The following PDE4D variants were observed in gnomAD, a reference collection of about 807,000 sequenced individuals.
The protein encoded by PDE4D is 3',5'-cyclic-AMP phosphodiesterase 4D.
PDE4D carries 24 observed loss-of-function variants against 87.4 expected under a neutral mutation model. That is an observed-to-expected ratio of 0.27 (90% confidence interval 0.20 to 0.39). The LOEUF is 0.39. Ranked by LOEUF, PDE4D falls within the 10% of genes least tolerant of loss-of-function variation. The pLI, the probability that PDE4D is intolerant of heterozygous loss-of-function variation, is 1.00. For missense variants in PDE4D, 714 were observed against 1,041.0 expected, an observed-to-expected ratio of 0.69 and a Z score of 4.32; for synonymous variants, 384 against 383.2, an observed-to-expected ratio of 1.00 and a Z score of -0.02.
chr5:59,923,538 T>C (rs916349306), intron 3 of PDE4D, among the ~76,000 whole-genome samples: 2 of 152,130 alleles, frequency 1.3e-5, no homozygotes, highest in African/African-American at 2.4e-5. Flanking sequence ...ATTTGTTTGG[T>C]AGAAAGTAAA....
chr5:59,446,627 G>C (rs1018471688), intron 1 of PDE4D, among the ~76,000 whole-genome samples: 1 of 152,154 alleles, frequency 6.6e-6, no homozygotes, highest in African/African-American at 2.4e-5. Flanking sequence ...TGTAGCAAAG[G>C]CTCTTTTGAA....
intron 1 of PDE4D, among the ~76,000 whole-genome samples, chr5:60,326,653 G>A (rs1326343550): frequency 6.6e-6 from 1 of 152,086 alleles, no homozygotes; most frequent in Non-Finnish European, 1.5e-5. Flanking sequence ...ATTTGTTACT[G>A]TGATTCTCTT....
At chr5:59,761,197 A>G (rs543701296) in intron 1 of PDE4D, among the ~76,000 whole-genome samples, 1 of 152,298 alleles carries the variant, frequency 6.6e-6, no homozygotes, top group African/African-American at 2.4e-5. Flanking sequence ...AAGATAAAAA[A>G]TGATATACCT....
intron 1 of PDE4D, among the ~76,000 whole-genome samples, chr5:59,395,060 G>A (rs140184678): frequency 0.25 from 37,439 of 151,990 alleles, 4,954 homozygotes; most frequent in East Asian, 0.39. Context: ...ATTATATCCC[G>A]CACCTGGCTG....
chr5:59,757,356 T>C (rs1761401096), intron 1 of PDE4D, among the ~76,000 whole-genome samples: 1 of 152,188 alleles, frequency 6.6e-6, no homozygotes, highest in South Asian at 2.1e-4. Context: ...TTTTAAATAA[T>C]ATATTGAATC....
At chr5:60,307,667 T>C (rs749597143) in intron 1 of PDE4D, among the ~76,000 whole-genome samples, 53 of 152,014 alleles carry the variant, frequency 3.5e-4, no homozygotes, top group Non-Finnish European at 5.3e-4. Context: ...CAACCTTTAT[T>C]TATCACTGTT....
rs1328331465 is a variant in PDE4D at position 60,127,726 on chromosome 5, A to T, written c.42+57831T>A. On this transcript the variant is annotated intron_variant, in intron 2 of 16. Coordinates refer to the PDE4D transcript ENST00000502484. ...TTTCAGTTTTGGATATTTTGGATCT[A>T]AAATGCCTCTGAAACACTCAATGGA... 3 of 568,326 alleles carry T rather than the reference A, an allele frequency of 5.3e-6. No homozygotes were observed. The South Asian group carries it at 7.0e-5, about 13-fold the overall frequency. The allele number at this position is 568,326 out of a possible 1,614,324, so 35.2% of individuals were successfully genotyped here. A position where few individuals can be genotyped will look rare whatever the true frequency, so the allele number is the denominator to read the frequency against.
intron 1 of PDE4D, among the ~76,000 whole-genome samples, chr5:60,215,318 G>A (rs780459134): frequency 9.2e-5 from 14 of 152,070 alleles, no homozygotes; most frequent in Non-Finnish European, 2.1e-4. Context: ...AAACTGTAGA[G>A]CAGAGGTTAA....
intron 1 of PDE4D, among the ~76,000 whole-genome samples, chr5:59,699,038 G>A (rs1008874518): frequency 3.3e-5 from 5 of 152,114 alleles, no homozygotes; most frequent in African/African-American, 9.7e-5. Flanking sequence ...GGCTTGAGTC[G>A]AACAGAAGAG....
At chr5:59,890,873 C>T (rs926747872) in intron 1 of PDE4D, among the ~76,000 whole-genome samples, 1 of 152,202 alleles carries the variant, frequency 6.6e-6, no homozygotes, top group Non-Finnish European at 1.5e-5. Flanking sequence ...AATTTAAAAG[C>T]ATTGTTGCTG....
At chr5:60,289,695 T>C (rs1455176962) in intron 1 of PDE4D, among the ~76,000 whole-genome samples, 2 of 152,208 alleles carry the variant, frequency 1.3e-5, no homozygotes, top group Non-Finnish European at 2.9e-5. Context: ...GTAGCAATTA[T>C]GGCAAGAGTG....
At chr5:60,366,227 T>C (rs191515380) in intron 1 of PDE4D, among the ~76,000 whole-genome samples, 1 of 152,174 alleles carries the variant, frequency 6.6e-6, no homozygotes, top group Admixed American at 6.5e-5. Context: ...TTTGTGCAGA[T>C]AGCATGCTTT....
intron 5 of PDE4D, among the ~76,000 whole-genome samples, chr5:59,078,648 A>ACAG (rs938326134): frequency 4.6e-5 from 7 of 151,918 alleles, no homozygotes; most frequent in African/African-American, 1.2e-4. Context: ...AGCTGGAACT[A>ACAG]CAGGCACATG....
chr5:60,451,998 A>T (rs1166288199), intron 1 of PDE4D, among the ~76,000 whole-genome samples: 1 of 152,154 alleles, frequency 6.6e-6, no homozygotes, highest in Non-Finnish European at 1.5e-5. Flanking sequence ...GTGACCAAAT[A>T]GTTTTTCTCA....
At chr5:59,429,342 G>C (rs1261200521) in intron 1 of PDE4D, among the ~76,000 whole-genome samples, 1 of 152,112 alleles carries the variant, frequency 6.6e-6, no homozygotes, top group Non-Finnish European at 1.5e-5. Flanking sequence ...GAAAAGCCTT[G>C]ATACTCTGGA....
intron 1 of PDE4D, among the ~76,000 whole-genome samples, chr5:60,377,382 C>T (rs1266174699): frequency 2.0e-5 from 3 of 152,178 alleles, no homozygotes; most frequent in Non-Finnish European, 2.9e-5. Flanking sequence ...TTTATTACTA[C>T]TGCCATAAAT....
chr5:59,284,427 T>C (rs1006005086), intron 1 of PDE4D, among the ~76,000 whole-genome samples: 2 of 152,150 alleles, frequency 1.3e-5, no homozygotes, highest in African/African-American at 4.8e-5. Flanking sequence ...GATGAGCATT[T>C]TTTCATGTGT....
At chr5:59,708,339 T>C (rs913778281) in intron 1 of PDE4D, among the ~76,000 whole-genome samples, 9 of 152,122 alleles carry the variant, frequency 5.9e-5, no homozygotes, top group African/African-American at 1.7e-4. Context: ...CTGAAGGAGA[T>C]AGACATGAAA....
chr5:59,359,914 A>C (rs35281), intron 1 of PDE4D, among the ~76,000 whole-genome samples: 101,329 of 152,012 alleles, frequency 0.67, 34,304 homozygotes, highest in South Asian at 0.77. Context: ...ACATTGCTCC[A>C]ATCCAATTGT....
Sources: allele counts gnomAD v4.1 joint callset (sites outside exome capture counted in the v4.1 genomes callset), GRCh38; gene constraint gnomAD v4.1.1; transcripts MANE v1.5; gene names NCBI Gene and HGNC (gene_info 2026-07-23, HGNC 2026-07-21).